Variants in DOP1A observed in about 807,000 individuals in gnomAD.
The protein encoded by DOP1A is DOP1 leucine zipper like protein A, also known as protein DOP1A.
In DOP1A, 90 loss-of-function variants were observed where a neutral mutation model predicts 267.6. The observed-to-expected ratio is 0.34, with a 90% CI of 0.28 to 0.40. The LOEUF is 0.40. Among genes scored for constraint, DOP1A ranks in the 10% least tolerant of loss-of-function variants. DOP1A has a pLI of 1.00. For missense variants in DOP1A, 2,437 were observed against 2,900.4 expected, an observed-to-expected ratio of 0.84 and a Z score of 3.67; for synonymous variants, 932 against 999.1, an observed-to-expected ratio of 0.93 and a Z score of 1.27.
chr6:83,124,856 G>A (rs370196168), intron 13 of DOP1A, 37 bp downstream of exon 13: 372 of 1,474,370 alleles, frequency 2.5e-4, no homozygotes, highest in Non-Finnish European at 3.2e-4. Context: ...CAAGGAAATC[G>A]AATAACGTAG....
intron 35 of DOP1A, 146 bp downstream of exon 35, chr6:83,157,464 A>C: frequency 1.2e-6 from 1 of 842,076 alleles, no homozygotes; most frequent in East Asian, 2.6e-5. Context: ...AGTTGAAAAT[A>C]GTAAAACAAG....
intron 10 of DOP1A, among the ~76,000 whole-genome samples, chr6:83,121,476 T>C (rs989695683): frequency 1.8e-4 from 28 of 151,752 alleles, no homozygotes; most frequent in African/African-American, 5.8e-4. Flanking sequence ...TTTAGCCTTA[T>C]GCATTTTAGT....
chr6:83,082,536 A>C (rs554482541), intron 1 of DOP1A, among the ~76,000 whole-genome samples: 32 of 152,310 alleles, frequency 2.1e-4, no homozygotes, highest in African/African-American at 7.7e-4. Flanking sequence ...AGGATGGAAG[A>C]ATGTTAGTCA....
chr6:83,090,874 T>C (rs1197729528), intron 1 of DOP1A, among the ~76,000 whole-genome samples: 1 of 152,202 alleles, frequency 6.6e-6, no homozygotes, highest in East Asian at 1.9e-4. Flanking sequence ...ATGACAATTT[T>C]ATTTGCATTA....
intron 37 of DOP1A, among the ~76,000 whole-genome samples, chr6:83,161,952 A>G (rs1387075483): frequency 6.6e-6 from 1 of 152,180 alleles, no homozygotes; most frequent in Non-Finnish European, 1.5e-5. Context: ...GTGTACTACT[A>G]TGTTGCTGTT....
intron 3 of DOP1A, among the ~76,000 whole-genome samples, chr6:83,100,492 G>T (rs1772378538): frequency 6.6e-6 from 1 of 151,952 alleles, no homozygotes; most frequent in African/African-American, 2.4e-5. Context: ...ATGTTATTCT[G>T]TTAACAGGTA....
rs1184977926 is a variant in DOP1A, at chr6:83,138,011, AT to A, written c.3971del (p.Phe1324SerfsTer8). On this transcript the variant is annotated frameshift_variant, in exon 21 of 39. Transcript: ENST00000349129. LOFTEE classifies it high-confidence loss of function. ...SNEKLKQTSV[F>X]FSDGLDLENW... ...ATGAAAAACTCAAACAAACCAGTGT[AT>A]TCTTCAGTGATGGTCTGGATTTAGA... 6.2e-7 allele frequency: 1 copy of A among 1,608,944 alleles called. No individual in the cohort carries two copies. The highest frequency in any genetic ancestry group is 1.3e-5 in the African/African-American group (1 of 74,606).
intron 1 of DOP1A, among the ~76,000 whole-genome samples, chr6:83,069,526 A>G (rs1290571692): frequency 6.6e-6 from 1 of 152,200 alleles, no homozygotes; most frequent in Non-Finnish European, 1.5e-5. Flanking sequence ...GTCCTCTTCA[A>G]CTGTAAAGGT....
intron 35 of DOP1A, 110 bp from the exon 36 acceptor site, chr6:83,158,457 A>C (rs1313843962): frequency 1.2e-6 from 1 of 858,302 alleles, no homozygotes; most frequent in African/African-American, 1.7e-5. Context: ...AAAGATTCTG[A>C]AAATGTATTC....
At chr6:83,083,793 A>C (rs191532961) in intron 1 of DOP1A, among the ~76,000 whole-genome samples, 4 of 152,334 alleles carry the variant, frequency 2.6e-5, no homozygotes, top group Non-Finnish European at 5.9e-5. Flanking sequence ...GCTGTTTGCC[A>C]TTTGAAGCTT....
chr6:83,090,399 C>T (rs375203967), intron 1 of DOP1A, among the ~76,000 whole-genome samples: 30 of 152,298 alleles, frequency 2.0e-4, no homozygotes, highest in African/African-American at 7.0e-4. Flanking sequence ...CCTGTCTTTT[C>T]ATCGCCTGGG....
At chr6:83,163,166 A>G (rs1784633464) in intron 38 of DOP1A, among the ~76,000 whole-genome samples, 1 of 152,190 alleles carries the variant, frequency 6.6e-6, no homozygotes, top group African/African-American at 2.4e-5. Context: ...AGGCTTTTGT[A>G]CATTAATAAC....
chr6:83,136,326 T>C (rs1369047573), intron 20 of DOP1A, among the ~76,000 whole-genome samples: 1 of 152,194 alleles, frequency 6.6e-6, no homozygotes. Flanking sequence ...GATGTAGTCA[T>C]GTTTGTGACA....
chr6:83,094,505 A>AT (rs1771081711), intron 1 of DOP1A, among the ~76,000 whole-genome samples: 1 of 152,182 alleles, frequency 6.6e-6, no homozygotes, highest in Non-Finnish European at 1.5e-5. Context: ...AGCTACGCCA[A>AT]TTTATGTTCC....
rs1785094450 is a variant in DOP1A, at chr6:83,164,889, T to C, written c.7092+1970T>C. Reference sequence around the variant, plus strand: ...GAGAAATCATTTGTATGGAAACATTTGACTTTATTTAATATTGAGACAATA... The same window carrying C: ...GAGAAATCATTTGTATGGAAACATTCGACTTTATTTAATATTGAGACAATA... On this transcript the variant is annotated intron_variant, in intron 38 of 38. Transcript: ENST00000349129. The C allele has an allele frequency of 5.1e-6, 3 of 588,658 alleles. No homozygotes were observed. The South Asian group carries it at 6.5e-5, about 13-fold the overall frequency. 36.5% of individuals were successfully genotyped at this position (588,658 alleles called of 1,614,324 possible).
chr6:83,155,006 G>A (rs73749721), intron 33 of DOP1A, among the ~76,000 whole-genome samples: 23 of 152,246 alleles, frequency 1.5e-4, no homozygotes, highest in African/African-American at 4.8e-4. Context: ...AGTGGGCCAC[G>A]CATTGCGCTA....
At chr6:83,081,942 A>G (rs1768155097) in intron 1 of DOP1A, among the ~76,000 whole-genome samples, 1 of 152,210 alleles carries the variant, frequency 6.6e-6, no homozygotes, top group Non-Finnish European at 1.5e-5. Context: ...CAACGTCACT[A>G]ATCATCAGGT....
intron 25 of DOP1A, among the ~76,000 whole-genome samples, chr6:83,146,356 A>C (rs1391121160): frequency 6.6e-6 from 1 of 152,224 alleles, no homozygotes; most frequent in African/African-American, 2.4e-5. Context: ...ATTATGATAT[A>C]TATCTGAAAA....
At chr6:83,099,680 A>ATGTGTGTGTGTG (rs373165064) in intron 3 of DOP1A, among the ~76,000 whole-genome samples, 1 of 138,918 alleles carries the variant, frequency 7.2e-6, no homozygotes, top group African/African-American at 2.6e-5. Context: ...AGGATTGCAT[A>ATGTGTGTGTGTG]TGTGTGTGTG....
Sources: gnomAD v4.1 joint callset for allele counts (sites outside exome capture counted in the v4.1 genomes callset) on GRCh38, gnomAD v4.1.1 for gene constraint, MANE v1.5 for transcripts, NCBI Gene and HGNC (gene_info 2026-07-23, HGNC 2026-07-21) for gene names.